PTPRD: variants seen among roughly 807,000 people sequenced by gnomAD.
PTPRD encodes protein tyrosine phosphatase receptor type D, also known as receptor-type tyrosine-protein phosphatase delta.
In PTPRD, 34 loss-of-function variants were observed where a neutral mutation model predicts 214.5. The observed-to-expected ratio is 0.16, with a 90% confidence interval of 0.12 to 0.21. The LOEUF (loss-of-function observed/expected upper bound fraction) is 0.21, where lower values mean the gene tolerates loss of function less well. Ranked by LOEUF, PTPRD falls within the 10% of genes least tolerant of loss-of-function variation. The probability of loss-of-function intolerance (pLI) is 1.00; values close to 1 mark genes in which losing one functional copy is unlikely to be tolerated. For missense variants in PTPRD, 2,545 were observed against 2,398.7 expected, an observed-to-expected ratio of 1.06 and a Z score of -1.27; for synonymous variants, 1,128 against 845.7, an observed-to-expected ratio of 1.33 and a Z score of -5.79.
chr9:10,495,002 A>T (rs2041607398), intron 2 of PTPRD, among the ~76,000 whole-genome samples: 1 of 151,802 alleles, frequency 6.6e-6, no homozygotes, highest in African/African-American at 2.4e-5. Flanking sequence ...TGATAATTTT[A>T]TGTCGTGCTC....
intron 37 of PTPRD, 100 bp from the exon 38 acceptor site, chr9:8,376,826 C>A: frequency 1.4e-6 from 2 of 1,471,656 alleles, no homozygotes; most frequent in South Asian, 1.2e-5. Context: ...TTCTGCACTT[C>A]ATTTTATGTT....
intron 4 of PTPRD, among the ~76,000 whole-genome samples, chr9:9,949,063 A>G (rs757694845): frequency 1.3e-5 from 2 of 152,116 alleles, no homozygotes; most frequent in Non-Finnish European, 2.9e-5. Flanking sequence ...AGCAAAAATT[A>G]TAAGAATTGT....
intron 11 of PTPRD, among the ~76,000 whole-genome samples, chr9:8,836,952 C>A (rs1009928103): frequency 4.6e-5 from 7 of 151,738 alleles, no homozygotes; most frequent in Middle Eastern, 3.4e-3. Flanking sequence ...CCAATACCTA[C>A]CATTAATAAC....
At chr9:8,894,019 C>T (rs970530989) in intron 11 of PTPRD, among the ~76,000 whole-genome samples, 2 of 151,892 alleles carry the variant, frequency 1.3e-5, no homozygotes, top group African/African-American at 4.8e-5. Flanking sequence ...TAAAGCACAC[C>T]CGAAGATACG....
rs541894058 is a variant in PTPRD, at chr9:10,492,174, T to C, written c.-600+120224A>G. Among the ~76,000 whole-genome samples the C allele has an allele frequency of 2.6e-5, 4 of 152,254 alleles. No homozygotes were observed. The East Asian group carries it at 5.8e-4, about 22-fold the overall frequency. On this transcript the variant is annotated intron_variant, in intron 2 of 45. Coordinates refer to ENST00000381196, the MANE Select transcript of PTPRD (RefSeq NM_002839.4). The stretch of plus-strand genomic sequence containing the variant: ...TAGGAACAGCGCCACAATAAATATA[T>C]GTGTGTATGTGTCTTTATAGTAGAA...
chr9:10,027,114 G>C (rs1054229315), intron 4 of PTPRD, among the ~76,000 whole-genome samples: 11 of 152,110 alleles, frequency 7.2e-5, no homozygotes, highest in African/African-American at 2.4e-4. Flanking sequence ...ATAGGAATTA[G>C]AGTCAGATTC....
rs752677458 is a variant in PTPRD, at chr9:8,697,417, C to CTTTTTTTT, written c.64+36355_64+36362dup. Among the ~76,000 whole-genome samples the CTTTTTTTT allele has an allele frequency of 1.4e-4, 9 of 63,242 alleles. 2 individuals are homozygous for CTTTTTTTT. The highest frequency in any genetic ancestry group is 1.8e-4 in the Non-Finnish European group (6 of 33,542). 41.5% of individuals were successfully genotyped at this position (63,242 alleles called of 152,430 possible). A position where few individuals can be genotyped will look rare whatever the true frequency, so the allele number is the denominator to read the frequency against. ...TTTATTATTTATTTATTTTTATGTACTTTTTTTTTTTTTTTTTTTTTTTGA... is the reference window on the plus strand; with the variant it reads ...TTTATTATTTATTTATTTTTATGTACTTTTTTTTTTTTTTTTTTTTTTTTTTTTTTTGA... On this transcript the variant is annotated intron_variant, in intron 12 of 45. Transcript: ENST00000381196.
chr9:9,667,881 G>A (rs1282631512), intron 7 of PTPRD, among the ~76,000 whole-genome samples: 1 of 152,100 alleles, frequency 6.6e-6, no homozygotes, highest in Admixed American at 6.6e-5. Context: ...GGTCTGGGGT[G>A]GAGAGCTCCC....
In PTPRD at chr9:9,235,410, A is replaced by G. The variant is rs116434033; in HGVS notation, c.-202-52047T>C. On this transcript the variant is annotated intron_variant, in intron 9 of 45. Transcript: ENST00000381196. ...TTTCTGGATTATTACCCTTTGTCCA[A>G]TTGCACTCCTACATGGCTGTCCACT... Among the ~76,000 whole-genome samples the G allele has an allele frequency of 7.5e-3, 1,136 of 152,250 alleles. 10 individuals carry two copies. The highest frequency in any genetic ancestry group is 0.026 in the African/African-American group (1,096 of 41,544).
intron 5 of PTPRD, among the ~76,000 whole-genome samples, chr9:9,921,462 A>C (rs943371903): frequency 6.6e-6 from 1 of 151,910 alleles, no homozygotes; most frequent in African/African-American, 2.4e-5. Context: ...TCACACATAT[A>C]ATTAATTCTA....
intron 12 of PTPRD, among the ~76,000 whole-genome samples, chr9:8,650,309 C>T (rs990562361): frequency 9.9e-5 from 15 of 151,966 alleles, no homozygotes; most frequent in African/African-American, 3.6e-4. Flanking sequence ...GTGGGTGGAT[C>T]ACCTGAGGTT....
chr9:10,518,777 C>G (rs2051064140), intron 2 of PTPRD, among the ~76,000 whole-genome samples: 1 of 151,928 alleles, frequency 6.6e-6, no homozygotes, highest in Admixed American at 6.6e-5. Context: ...CGTGATCTGC[C>G]CGCCTTGGCC....
chr9:9,419,168 C>T (rs185679662), intron 8 of PTPRD, among the ~76,000 whole-genome samples: 30 of 142,902 alleles, frequency 2.1e-4, no homozygotes, highest in African/African-American at 7.1e-4. Context: ...CACACACAAG[C>T]ATGATATATA....
chr9:10,327,859 C>T (rs2096672925), intron 3 of PTPRD, among the ~76,000 whole-genome samples: 1 of 151,662 alleles, frequency 6.6e-6, no homozygotes, highest in Admixed American at 6.6e-5. Flanking sequence ...AGTTCCAGGG[C>T]TCCTGAAGAA....
chr9:10,407,052 C>T (rs1162404606), intron 2 of PTPRD, among the ~76,000 whole-genome samples: 1 of 151,512 alleles, frequency 6.6e-6, no homozygotes, highest in African/African-American at 2.4e-5. Flanking sequence ...TGTTTACTTA[C>T]AAACCCATCA....
At chr9:10,394,832 T>C (rs1332704729) in intron 2 of PTPRD, among the ~76,000 whole-genome samples, 2 of 151,942 alleles carry the variant, frequency 1.3e-5, no homozygotes, top group South Asian at 2.1e-4. Context: ...GAAACTTGAA[T>C]GATGTAATCT....
intron 5 of PTPRD, among the ~76,000 whole-genome samples, chr9:9,928,757 TACACACACACACACACAC>T (rs60820386): frequency 1.4e-5 from 2 of 147,124 alleles, no homozygotes; most frequent in South Asian, 4.4e-4. Context: ...TCTCTCTCTA[TACACACACACACACACAC>T]ACACACACAC....
intron 8 of PTPRD, among the ~76,000 whole-genome samples, chr9:9,544,405 A>T (rs568319838): frequency 6.6e-6 from 1 of 151,612 alleles, no homozygotes; most frequent in Non-Finnish European, 1.5e-5. Context: ...CTTCATTTTG[A>T]TTTTTTAGGT....
chr9:9,150,118 G>T (rs890286163), intron 10 of PTPRD, among the ~76,000 whole-genome samples: 1 of 152,038 alleles, frequency 6.6e-6, no homozygotes, highest in African/African-American at 2.4e-5. Flanking sequence ...CTTGTTTTTT[G>T]AAAACTTAAA....
Sources: gnomAD v4.1 joint callset for allele counts (sites outside exome capture counted in the v4.1 genomes callset) on GRCh38, gnomAD v4.1.1 for gene constraint, MANE v1.5 for transcripts, NCBI Gene and HGNC (gene_info 2026-07-23, HGNC 2026-07-21) for gene names.